ELP3: variants seen among roughly 807,000 people sequenced by gnomAD.
ELP3 encodes the protein elongator acetyltransferase complex subunit 3, also known as elongator complex protein 3.
In ELP3, 56 loss-of-function variants were observed where a neutral mutation model predicts 74.9. The observed-to-expected ratio is 0.75, with a 90% CI of 0.60 to 0.93. ELP3 has a LOEUF of 0.93. ELP3 is among the 40% of genes least tolerant of loss of function. The pLI, the probability that ELP3 is intolerant of heterozygous loss-of-function variation, is 0.00. For missense variants in ELP3, 573 were observed against 686.5 expected, an observed-to-expected ratio of 0.83 and a Z score of 1.85; for synonymous variants, 222 against 239.8, an observed-to-expected ratio of 0.93 and a Z score of 0.68.
chr8:28,090,482 G>GGT (rs34145175), upstream of ELP3: 11,257 of 159,990 alleles, frequency 0.07, 354 homozygotes, highest in Middle Eastern at 0.1. Context: ...CTGATGGGTG[G>GGT]GTGTGTGTGT....
chr8:28,146,698 G>A (rs946501364), intron 10 of ELP3, among the ~76,000 whole-genome samples: 3 of 152,132 alleles, frequency 2.0e-5, no homozygotes, highest in Non-Finnish European at 4.4e-5. Flanking sequence ...TCTGTCCATT[G>A]AACATGTTCA....
chr8:28,168,042 T>C (rs1232766894), intron 14 of ELP3, among the ~76,000 whole-genome samples: 3 of 152,216 alleles, frequency 2.0e-5, no homozygotes, highest in Admixed American at 6.5e-5. Flanking sequence ...TGTGGCAGCA[T>C]TGTTTTGTAG....
At chr8:28,119,594 A>G (rs1468137641) in intron 7 of ELP3, among the ~76,000 whole-genome samples, 5 of 92,900 alleles carry the variant, frequency 5.4e-5, no homozygotes, top group African/African-American at 2.1e-4. Flanking sequence ...ATATATATAT[A>G]TATATATATA....
chr8:28,115,128 A>C (rs1232024672), intron 7 of ELP3, among the ~76,000 whole-genome samples: 1 of 152,176 alleles, frequency 6.6e-6, no homozygotes. Context: ...AGAAAATCTC[A>C]GAGGGAGAAA....
chr8:28,142,334 G>A (rs764757225), intron 10 of ELP3, among the ~76,000 whole-genome samples: 5 of 152,192 alleles, frequency 3.3e-5, no homozygotes, highest in Non-Finnish European at 5.9e-5. Flanking sequence ...TTATCCTATG[G>A]AGAATTGGCC....
chr8:28,106,641 AG>A (rs1256725854), intron 3 of ELP3, 71 bp from the exon 4 acceptor site: 4 of 1,267,000 alleles, frequency 3.2e-6, no homozygotes, highest in African/African-American at 1.5e-5. Flanking sequence ...CTTCCTTCCG[AG>A]GGATAAGCAC....
rs566737068 is a variant in ELP3 at position 28,136,390 on chromosome 8, C to T, written c.907-1308C>T. On this transcript the variant is annotated intron_variant, in intron 9 of 14. Coordinates refer to ENST00000256398, the MANE Select transcript of ELP3 (RefSeq NM_018091.6). Reference sequence around the variant, plus strand: ...AGGAATGTATCAGCCTGTATGTCTCCGAAACTTATTATACAAGCACCAGAA... The same window carrying T: ...AGGAATGTATCAGCCTGTATGTCTCTGAAACTTATTATACAAGCACCAGAA... Among the ~76,000 whole-genome samples the T allele has an allele frequency of 3.3e-5, 5 of 152,262 alleles. No homozygotes were observed. In the East Asian group the frequency reaches 5.8e-4, roughly 18 times the overall value.
chr8:28,158,523 CCCCT>C, intron 11 of ELP3, 41 bp from the exon 12 acceptor site: 1 of 1,201,310 alleles, frequency 8.3e-7, no homozygotes, highest in Non-Finnish European at 1.2e-6. Context: ...TATATTTGTA[CCCCT>C]CCCACCCCCC....
At chr8:28,166,187 T>C (rs1814299715) in intron 14 of ELP3, among the ~76,000 whole-genome samples, 1 of 152,198 alleles carries the variant, frequency 6.6e-6, no homozygotes, top group African/African-American at 2.4e-5. Context: ...CTGCCCTGCG[T>C]GAACGTTCGT....
intron 9 of ELP3, among the ~76,000 whole-genome samples, chr8:28,137,247 T>G (rs1171478683): frequency 6.6e-6 from 1 of 152,178 alleles, no homozygotes; most frequent in Non-Finnish European, 1.5e-5. Context: ...CATGTGATGA[T>G]AAGAAAGAGG....
intron 14 of ELP3, among the ~76,000 whole-genome samples, chr8:28,181,020 G>A (rs1460312475): frequency 6.6e-6 from 1 of 151,950 alleles, no homozygotes; most frequent in Non-Finnish European, 1.5e-5. Flanking sequence ...CTGCCCCCAC[G>A]CCCCCAGTAT....
intron 14 of ELP3, among the ~76,000 whole-genome samples, chr8:28,188,299 C>T (rs1020022300): frequency 6.6e-6 from 1 of 152,084 alleles, no homozygotes; most frequent in Non-Finnish European, 1.5e-5. Context: ...GGTCTCTGTT[C>T]CTGGTTCCTG....
At chr8:28,149,687 T>G (rs1813568737) in intron 10 of ELP3, among the ~76,000 whole-genome samples, 1 of 152,192 alleles carries the variant, frequency 6.6e-6, no homozygotes, top group Admixed American at 6.5e-5. Context: ...CCACTCTAAT[T>G]CTTATTATTT....
Position 28,153,486 on chromosome 8 carries a change from GC to G in ELP3, c.1101-2455del, listed in dbSNP as rs1449716923. On this transcript the variant is annotated intron_variant, in intron 10 of 14. Coordinates refer to ENST00000256398, the MANE Select transcript of ELP3 (RefSeq NM_018091.6). ...GTGAAAAGAGCAAGCATGAAGTTGTGCATATGAATTAATAAGTAAATCAGTT... is the reference window on the plus strand; with the variant it reads ...GTGAAAAGAGCAAGCATGAAGTTGTGATATGAATTAATAAGTAAATCAGTT... Among the ~76,000 whole-genome samples, 4 of 152,176 alleles carry G rather than the reference GC, an allele frequency of 2.6e-5. No individual in the cohort carries two copies. The East Asian group carries it at 7.7e-4, about 29-fold the overall frequency.
chr8:28,189,622 C>T, intron 14 of ELP3, 27 bp from the exon 15 acceptor site: 12 of 1,613,048 alleles, frequency 7.4e-6, no homozygotes, highest in East Asian at 2.2e-5. Flanking sequence ...AGTGAATGCT[C>T]CTTTTTTAAC....
chr8:28,100,532 A>G (rs1014949540), intron 3 of ELP3, among the ~76,000 whole-genome samples: 9 of 152,254 alleles, frequency 5.9e-5, no homozygotes, highest in Admixed American at 2.6e-4. Flanking sequence ...CACGCAGGAA[A>G]TAGCGAGTAC....
At chr8:28,090,598 C>G (rs1040825543), upstream of ELP3, among the ~76,000 whole-genome samples, 2 of 151,650 alleles carry the variant, frequency 1.3e-5, no homozygotes, top group Non-Finnish European at 2.9e-5. Context: ...GGATAAAGGT[C>G]GTTTACCCTT....
At chr8:28,188,166 C>G (rs1197014993) in intron 14 of ELP3, among the ~76,000 whole-genome samples, 1 of 152,182 alleles carries the variant, frequency 6.6e-6, no homozygotes, top group Non-Finnish European at 1.5e-5. Flanking sequence ...TGTCTCACTC[C>G]CAGGCACAGA....
intron 13 of ELP3, among the ~76,000 whole-genome samples, chr8:28,160,880 A>T (rs956882267): frequency 6.6e-6 from 1 of 152,150 alleles, no homozygotes; most frequent in Admixed American, 6.5e-5. Context: ...TTTTTAGTAG[A>T]GATGGGGTTT....
Sources: gnomAD v4.1 joint callset for allele counts (sites outside exome capture counted in the v4.1 genomes callset) on GRCh38, gnomAD v4.1.1 for gene constraint, MANE v1.5 for transcripts, NCBI Gene and HGNC (gene_info 2026-07-23, HGNC 2026-07-21) for gene names.